TMEM117: variants seen among roughly 807,000 people sequenced by gnomAD.
TMEM117 encodes the protein transmembrane protein 117.
Under a neutral mutation model 52.4 loss-of-function variants are expected in TMEM117, and 27 were observed. The ratio of observed to expected loss-of-function variants is 0.51; its 90% CI spans 0.38 to 0.71. The LOEUF (loss-of-function observed/expected upper bound fraction) is 0.71, where lower values mean the gene tolerates loss of function less well. Ranked by LOEUF, TMEM117 falls within the 30% of genes least tolerant of loss-of-function variation. The probability of loss-of-function intolerance (pLI) is 0.00; values close to 1 mark genes in which losing one functional copy is unlikely to be tolerated. For synonymous variants in TMEM117, 215 were observed against 206.3 expected (o/e 1.04, Z -0.36); for missense variants, 556 against 630.5 (o/e 0.88, Z 1.26).
At chr12:44,366,787 G>C (rs1951795641) in intron 6 of TMEM117, among the ~76,000 whole-genome samples, 1 of 152,084 alleles carries the variant, frequency 6.6e-6, no homozygotes, top group Non-Finnish European at 1.5e-5. Context: ...AAGCAGTGAG[G>C]ATCCAGCCTA....
At chr12:44,128,089 G>A (rs536809287) in intron 3 of TMEM117, among the ~76,000 whole-genome samples, 2 of 152,298 alleles carry the variant, frequency 1.3e-5, no homozygotes, top group East Asian at 1.9e-4. Flanking sequence ...CTCATTTCAA[G>A]CCTTGTTAAG....
chr12:44,306,512 G>T (rs1447926739), intron 6 of TMEM117, among the ~76,000 whole-genome samples: 5 of 152,054 alleles, frequency 3.3e-5, no homozygotes, highest in African/African-American at 9.7e-5. Flanking sequence ...ATCAAGTTTT[G>T]GATCCTTATA....
chr12:44,303,319 G>T (rs1033721627), intron 6 of TMEM117, among the ~76,000 whole-genome samples: 2 of 152,058 alleles, frequency 1.3e-5, no homozygotes, highest in Non-Finnish European at 2.9e-5. Flanking sequence ...AAAGTGCTGG[G>T]ATTACAGGCA....
rs1944883647 is a variant in TMEM117, at chr12:43,932,301, A to G, written c.278-11909A>G. Among the ~76,000 whole-genome samples the G allele has an allele frequency of 2.6e-5, 4 of 150,948 alleles. No homozygotes were observed. The South Asian group carries it at 8.3e-4, about 31-fold the overall frequency. On this transcript the variant is annotated intron_variant, in intron 2 of 7. Coordinates refer to ENST00000266534, the MANE Select transcript of TMEM117 (RefSeq NM_032256.3). ...ATATTTTTAATAAAAATTCTTTGGT[A>G]GTCAGATTTACTTTGCTTTGATTTC... is the stretch of plus-strand genomic sequence containing the variant.
chr12:44,042,136 T>A (rs190012489), intron 3 of TMEM117, among the ~76,000 whole-genome samples: 1 of 152,236 alleles, frequency 6.6e-6, no homozygotes. Context: ...GATGTACAAC[T>A]TCAGCAAAGT....
At chr12:43,832,092 G>T (rs77056193), upstream of TMEM117, among the ~76,000 whole-genome samples, 6,954 of 152,238 alleles carry the variant, frequency 0.046, 404 homozygotes, top group African/African-American at 0.13. Flanking sequence ...AAAATATGGA[G>T]GAAAGAGTGG....
At chr12:44,027,790 C>G (rs895237538) in intron 3 of TMEM117, among the ~76,000 whole-genome samples, 4 of 152,090 alleles carry the variant, frequency 2.6e-5, no homozygotes, top group Non-Finnish European at 4.4e-5. Context: ...AATTGTTTAA[C>G]TATAGAGAGG....
chr12:43,946,059 TA>T (rs1224564470), intron 3 of TMEM117, among the ~76,000 whole-genome samples: 1 of 152,254 alleles, frequency 6.6e-6, no homozygotes. Context: ...AGAAAGTTAT[TA>T]AAATACTTTG....
At chr12:44,362,684 A>G (rs987432549) in intron 6 of TMEM117, among the ~76,000 whole-genome samples, 3 of 152,164 alleles carry the variant, frequency 2.0e-5, no homozygotes, top group African/African-American at 4.8e-5. Flanking sequence ...TCAATGAAAA[A>G]TAATGGTTGG....
chr12:44,385,485 T>G (rs1952076251), intron 7 of TMEM117, among the ~76,000 whole-genome samples: 1 of 152,130 alleles, frequency 6.6e-6, no homozygotes, highest in Non-Finnish European at 1.5e-5. Context: ...CTTGTAGTTC[T>G]AGCTACTTGG....
chr12:43,834,475 C>T (rs1055794825), upstream of TMEM117, among the ~76,000 whole-genome samples: 1 of 152,154 alleles, frequency 6.6e-6, no homozygotes, highest in African/African-American at 2.4e-5. Flanking sequence ...CAAAAAAGAA[C>T]AACAAAAGTG....
At chr12:43,958,177 T>C (rs2137654131) in intron 3 of TMEM117, among the ~76,000 whole-genome samples, 1 of 152,348 alleles carries the variant, frequency 6.6e-6, no homozygotes, top group Non-Finnish European at 1.5e-5. Context: ...TATGCATAGA[T>C]ACTTATATGC....
chr12:44,121,426 C>T (rs1221606750), intron 3 of TMEM117, among the ~76,000 whole-genome samples: 2 of 152,136 alleles, frequency 1.3e-5, no homozygotes, highest in African/African-American at 4.8e-5. Context: ...TCCTCTTATT[C>T]CTCCTCCTCA....
intron 4 of TMEM117, among the ~76,000 whole-genome samples, chr12:44,180,640 G>T (rs1949183294): frequency 6.6e-6 from 1 of 151,570 alleles, no homozygotes; most frequent in African/African-American, 2.4e-5. Context: ...TACTGAGAAT[G>T]ATGATTTCCA....
chr12:44,275,424 A>G (rs1439155045), intron 5 of TMEM117, among the ~76,000 whole-genome samples: 1 of 152,130 alleles, frequency 6.6e-6, no homozygotes, highest in South Asian at 2.1e-4. Flanking sequence ...CTACCATATG[A>G]TCAAGCAATC....
Position 44,095,654 on chromosome 12 carries a change from C to T in TMEM117, c.411-47871C>T, listed in dbSNP as rs537673846. ...GAGAGAGAGAAGAAAAAGCTCGGTT[C>T]AAAGTTGTCACTTATTTTCAGGTTA... On this transcript the variant is annotated intron_variant, in intron 3 of 7. Coordinates refer to ENST00000266534, the MANE Select transcript of TMEM117 (RefSeq NM_032256.3). 3.4e-4 allele frequency among the ~76,000 whole-genome samples: 52 copies of T among 152,158 alleles called. 1 individual carries two copies. The highest frequency in any genetic ancestry group is 1.2e-3 in the African/African-American group (49 of 41,532).
At chr12:43,939,927 G>T (rs1188139114) in intron 2 of TMEM117, among the ~76,000 whole-genome samples, 1 of 152,184 alleles carries the variant, frequency 6.6e-6, no homozygotes, top group Non-Finnish European at 1.5e-5. Context: ...AGGCAAGAGA[G>T]AGCTTGTGTA....
At chr12:44,168,098 A>G (rs1166166387) in intron 4 of TMEM117, among the ~76,000 whole-genome samples, 1 of 152,068 alleles carries the variant, frequency 6.6e-6, no homozygotes, top group Non-Finnish European at 1.5e-5. Flanking sequence ...TACTAAAAAT[A>G]CAAAAATTAG....
chr12:43,852,855 TA>T (rs1943334067), intron 2 of TMEM117, among the ~76,000 whole-genome samples: 1 of 152,232 alleles, frequency 6.6e-6, no homozygotes, highest in Non-Finnish European at 1.5e-5. Flanking sequence ...ATTTTCTTTT[TA>T]ACACTGCCCT....
Sources: allele counts gnomAD v4.1 joint callset (sites outside exome capture counted in the v4.1 genomes callset), GRCh38; gene constraint gnomAD v4.1.1; transcripts MANE v1.5; gene names NCBI Gene and HGNC (gene_info 2026-07-23, HGNC 2026-07-21).